Variants in FYN observed in about 807,000 individuals in gnomAD.
The protein encoded by FYN is FYN proto-oncogene, Src family tyrosine kinase.
FYN carries 10 observed loss-of-function variants against 70.2 expected under a neutral mutation model. The observed-to-expected ratio is 0.14, with a 90% confidence interval of 0.09 to 0.24. The LOEUF (loss-of-function observed/expected upper bound fraction) is 0.24. Among genes scored for constraint, FYN ranks in the 10% least tolerant of loss-of-function variants. The pLI, the probability that FYN is intolerant of heterozygous loss-of-function variation, is 1.00. For synonymous variants in FYN, 236 were observed against 248.6 expected (o/e 0.95, Z 0.48); for missense variants, 319 against 673.1 (o/e 0.47, Z 5.82).
intron 3 of FYN, chr6:111,754,657 C>T (rs145346668): frequency 1.2e-4 from 19 of 152,308 alleles, no homozygotes; most frequent in African/African-American, 4.1e-4. Context: ...GGGTTACAGT[C>T]GCTCATTCTC....
intron 13 of FYN, among the ~76,000 whole-genome samples, chr6:111,666,716 C>T (rs184014607): frequency 6.6e-6 from 1 of 152,198 alleles, no homozygotes; most frequent in African/African-American, 2.4e-5. Context: ...ACCTGTGGTC[C>T]CAGCTGTTCA....
rs1010608185 is a variant in FYN at position 111,873,393 on chromosome 6, C to G, written c.-548G>C. ...GCTCCGCTCCTGACAGATGGCGCAA[C>G]TGCAACGACGCGCCGCCGCCACCAG... is the stretch of plus-strand genomic sequence containing the variant. On this transcript the variant is annotated 5_prime_UTR_variant, in exon 1 of 14. Coordinates refer to ENST00000354650, the MANE Select transcript of FYN (RefSeq NM_002037.5). The G allele has an allele frequency of 1.3e-5, 2 of 151,774 alleles. No individual in the cohort carries two copies. Among genetic ancestry groups the G allele is most frequent in the East Asian group, 3.9e-4 (2 of 5,098 alleles). 9.4% of individuals were successfully genotyped at this position (151,774 alleles called of 1,614,324 possible). A position where few individuals can be genotyped will look rare whatever the true frequency, so the allele number is the denominator to read the frequency against.
intron 3 of FYN, among the ~76,000 whole-genome samples, chr6:111,745,297 T>A (rs1025052958): frequency 3.9e-5 from 6 of 152,174 alleles, no homozygotes. Context: ...TTCTCTCCAA[T>A]GTAGTAAGCC....
intron 1 of FYN, among the ~76,000 whole-genome samples, chr6:111,850,399 A>G (rs1295223879): frequency 6.6e-6 from 1 of 152,216 alleles, no homozygotes; most frequent in East Asian, 1.9e-4. Context: ...ACAGATTCAC[A>G]TCGGAATGGC....
intron 1 of FYN, among the ~76,000 whole-genome samples, chr6:111,850,690 C>T (rs569853996): frequency 5.3e-5 from 8 of 152,312 alleles, no homozygotes; most frequent in African/African-American, 9.6e-5. Context: ...TCTCTGGCAA[C>T]GGGGCAGCCC....
chr6:111,733,067 G>T (rs1801543483), intron 3 of FYN, among the ~76,000 whole-genome samples: 1 of 152,070 alleles, frequency 6.6e-6, no homozygotes, highest in Admixed American at 6.6e-5. Context: ...TCAAAGGGTG[G>T]CTGTGTGGGC....
intron 2 of FYN, among the ~76,000 whole-genome samples, chr6:111,797,839 T>C (rs1215712475): frequency 6.6e-6 from 1 of 151,954 alleles, no homozygotes; most frequent in African/African-American, 2.4e-5. Flanking sequence ...CTTGGCTCAC[T>C]GCAACCTCCG....
At chr6:111,864,568 G>C (rs1397125366) in intron 1 of FYN, among the ~76,000 whole-genome samples, 1 of 151,818 alleles carries the variant, frequency 6.6e-6, no homozygotes, top group Non-Finnish European at 1.5e-5. Flanking sequence ...TGAGGATGAT[G>C]ATGAGGTGGT....
At chr6:111,677,764 A>T (rs971903664) in intron 12 of FYN, among the ~76,000 whole-genome samples, 3 of 152,190 alleles carry the variant, frequency 2.0e-5, no homozygotes, top group Non-Finnish European at 4.4e-5. Flanking sequence ...AGTAGTATGG[A>T]CTTACAGAAC....
At chr6:111,732,214 T>G (rs9374283) in intron 3 of FYN, among the ~76,000 whole-genome samples, 1 of 152,218 alleles carries the variant, frequency 6.6e-6, no homozygotes, top group Non-Finnish European at 1.5e-5. Flanking sequence ...CGAACACTAC[T>G]GCTTGTAAAA....
In FYN at chr6:111,698,975, C is replaced by T. The variant is rs975270550; in HGVS notation, c.862+1129G>A. 3.9e-5 allele frequency among the ~76,000 whole-genome samples: 6 copies of T among 152,172 alleles called. No homozygotes were observed. In the South Asian group the frequency reaches 1.0e-3, roughly 26 times the overall value. On this transcript the variant is annotated intron_variant, in intron 9 of 13. Coordinates refer to ENST00000354650, the MANE Select transcript of FYN (RefSeq NM_002037.5). Reference sequence around the variant, plus strand: ...GCAGGCACCTGTAATCCCAGCTACTCGGGAGGCTGAGGCAGGAGAATCACT... The same window carrying T: ...GCAGGCACCTGTAATCCCAGCTACTTGGGAGGCTGAGGCAGGAGAATCACT...
intron 13 of FYN, among the ~76,000 whole-genome samples, chr6:111,673,641 T>TTTTTTTTTTTTTTTTTA (rs60721520): frequency 1.4e-5 from 2 of 139,848 alleles, no homozygotes; most frequent in Admixed American, 7.0e-5. Context: ...TTTTTTTTTT[T>TTTTTTTTTTTTTTTTTA]CTTTAAGCTC....
chr6:111,753,608 T>C (rs1802580692), intron 3 of FYN, among the ~76,000 whole-genome samples: 1 of 151,340 alleles, frequency 6.6e-6, no homozygotes. Context: ...ATGATAAAAT[T>C]AGTAAGGACA....
intron 2 of FYN, among the ~76,000 whole-genome samples, chr6:111,803,374 C>T (rs966728102): frequency 1.3e-5 from 2 of 149,446 alleles, no homozygotes; most frequent in Non-Finnish European, 3.0e-5. Flanking sequence ...ACCCCACAAT[C>T]TTTTTTTTTT....
chr6:111,783,220 A>G (rs996339232), intron 2 of FYN, among the ~76,000 whole-genome samples: 1 of 152,210 alleles, frequency 6.6e-6, no homozygotes, highest in African/African-American at 2.4e-5. Flanking sequence ...AAAACCACTT[A>G]TAAGGGCATT....
At chr6:111,754,505 T>C (rs1199829669) in intron 3 of FYN, 2 of 152,230 alleles carry the variant, frequency 1.3e-5, no homozygotes, top group African/African-American at 4.8e-5. Flanking sequence ...GCCAGCATAA[T>C]TTCTAAACCA....
intron 2 of FYN, among the ~76,000 whole-genome samples, chr6:111,803,588 A>C (rs1772056161): frequency 1.3e-5 from 2 of 152,128 alleles, no homozygotes; most frequent in Admixed American, 1.3e-4. Flanking sequence ...TCATGGAAGG[A>C]AGTAATCCAC....
At chr6:111,699,638 C>G in intron 9 of FYN, 1 of 1,613,966 alleles carries the variant, frequency 6.2e-7, no homozygotes, top group Non-Finnish European at 8.5e-7. Context: ...GATGCAATCA[C>G]AGTTAAGTTA....
At chr6:111,851,001 C>T (rs1401060744) in intron 1 of FYN, among the ~76,000 whole-genome samples, 1 of 152,192 alleles carries the variant, frequency 6.6e-6, no homozygotes, top group African/African-American at 2.4e-5. Flanking sequence ...AAACCTTCTC[C>T]CAAGGTTAGA....
Sources: gnomAD v4.1 joint callset for allele counts (sites outside exome capture counted in the v4.1 genomes callset) on GRCh38, gnomAD v4.1.1 for gene constraint, MANE v1.5 for transcripts, NCBI Gene and HGNC (gene_info 2026-07-23, HGNC 2026-07-21) for gene names.